GOSR2: variants seen among roughly 807,000 people sequenced by gnomAD.
GOSR2 encodes the protein 27 kDa Golgi SNARE protein.
GOSR2 carries 20 observed loss-of-function variants against 27.9 expected under a neutral mutation model. The ratio of observed to expected loss-of-function variants is 0.72; its 90% CI spans 0.50 to 1.04. The LOEUF is 1.04. Among genes scored for constraint, GOSR2 ranks in the 50% least tolerant of loss-of-function variants. The probability of loss-of-function intolerance (pLI) is 0.00; values close to 1 mark genes in which losing one functional copy is unlikely to be tolerated. For missense variants in GOSR2, 261 were observed against 270.5 expected, an observed-to-expected ratio of 0.97 and a Z score of 0.25; for synonymous variants, 91 against 98.8, an observed-to-expected ratio of 0.92 and a Z score of 0.47.
chr17:46,940,973 G>T lies in GOSR2; in HGVS notation c.*2213G>T, dbSNP rs886053084. ...ACTCTCTCCACCGCCTCAGTGTAGGGAAGGGTCCAGGCCAGGGAAGGAGCA... is the reference window on the plus strand; with the variant it reads ...ACTCTCTCCACCGCCTCAGTGTAGGTAAGGGTCCAGGCCAGGGAAGGAGCA... On this transcript the variant is annotated 3_prime_UTR_variant, in exon 6 of 6. Coordinates refer to ENST00000640051, the MANE Select transcript of GOSR2 (RefSeq NM_004287.5). 1.6e-5 allele frequency: 20 copies of T among 1,218,428 alleles called. No individual in the cohort carries two copies. The East Asian group carries it at 8.5e-4, about 52-fold the overall frequency. The allele number at this position is 1,218,428 out of a possible 1,614,324, so 75.5% of individuals were successfully genotyped here.
intron 6 of GOSR2, among the ~76,000 whole-genome samples, chr17:46,947,342 A>G (rs1034164940): frequency 1.6e-4 from 24 of 152,174 alleles, no homozygotes; most frequent in African/African-American, 5.8e-4. Context: ...GGCAACCTGA[A>G]CTACCCCTGC....
At chr17:46,927,822 G>C (rs1323202805) in intron 1 of GOSR2, among the ~76,000 whole-genome samples, 1 of 152,092 alleles carries the variant, frequency 6.6e-6, no homozygotes, top group East Asian at 1.9e-4. Flanking sequence ...CTTCTTCAGA[G>C]TGGTCTTGGC....
intron 1 of GOSR2, chr17:46,924,554 G>C (rs1369939987): frequency 6.6e-6 from 1 of 152,192 alleles, no homozygotes; most frequent in African/African-American, 2.4e-5. Context: ...CCAAGGCCTG[G>C]AAATGAAATG....
chr17:46,942,314 G>A (rs2089390838), downstream of GOSR2, among the ~76,000 whole-genome samples: 1 of 152,230 alleles, frequency 6.6e-6, no homozygotes, highest in African/African-American at 2.4e-5. Context: ...ACGGAGGTCA[G>A]ACAGGGATTT....
At chr17:46,945,892 C>A (rs2089815023), downstream of GOSR2, among the ~76,000 whole-genome samples, 2 of 152,156 alleles carry the variant, frequency 1.3e-5, no homozygotes. Context: ...GGGTGCTGTC[C>A]AAATTATTGT....
chr17:46,934,636 C>G (rs950993841), intron 4 of GOSR2, among the ~76,000 whole-genome samples: 6 of 152,202 alleles, frequency 3.9e-5, no homozygotes, highest in Admixed American at 1.3e-4. Flanking sequence ...ACATTTAACA[C>G]TGCATTAAGG....
At chr17:46,934,554 T>A (rs1018222219) in intron 4 of GOSR2, among the ~76,000 whole-genome samples, 1 of 152,214 alleles carries the variant, frequency 6.6e-6, no homozygotes, top group African/African-American at 2.4e-5. Context: ...CACAGCCTCC[T>A]CTATCCTTAG....
At chr17:46,963,543 C>CAAA (rs34316777) in intron 6 of GOSR2, among the ~76,000 whole-genome samples, 1 of 137,730 alleles carries the variant, frequency 7.3e-6, no homozygotes, top group African/African-American at 2.7e-5. Context: ...GGCTCGGTCT[C>CAAA]AAAAAAAAAA....
At chr17:46,923,744 G>C (rs953858992) in intron 1 of GOSR2, 2 of 436,726 alleles carry the variant, frequency 4.6e-6, no homozygotes, top group African/African-American at 2.0e-5. Flanking sequence ...CTTGTTAATC[G>C]TATCTGGTTA....
intron 6 of GOSR2, among the ~76,000 whole-genome samples, chr17:46,973,938 G>A (rs1391084502): frequency 6.6e-6 from 1 of 152,170 alleles, no homozygotes; most frequent in Non-Finnish European, 1.5e-5. Context: ...AAAGCTCAAG[G>A]CTTCTTTCCA....
At chr17:46,951,100 G>C (rs978908484) in intron 6 of GOSR2, among the ~76,000 whole-genome samples, 3 of 152,184 alleles carry the variant, frequency 2.0e-5, no homozygotes, top group East Asian at 1.9e-4. Context: ...CACGCCAAAG[G>C]CTTCTCCAGC....
chr17:46,933,046 C>T (rs1181894032), intron 4 of GOSR2: 1 of 152,242 alleles, frequency 6.6e-6, no homozygotes, highest in Non-Finnish European at 1.5e-5. Flanking sequence ...ATAGTTTTTG[C>T]TTCCCCAGAC....
At chr17:46,951,764 C>T (rs1001818702) in intron 6 of GOSR2, among the ~76,000 whole-genome samples, 1 of 152,192 alleles carries the variant, frequency 6.6e-6, no homozygotes, top group African/African-American at 2.4e-5. Context: ...GGCCCAGGTA[C>T]ACTCAGAGAG....
At chr17:46,925,248 T>G (rs2146747005) in intron 1 of GOSR2, among the ~76,000 whole-genome samples, 1 of 152,380 alleles carries the variant, frequency 6.6e-6, no homozygotes, top group East Asian at 1.9e-4. Context: ...CTAATTGATG[T>G]ACCTGTGTTC....
Position 46,939,488 on chromosome 17 carries a change from G to C in GOSR2, c.*728G>C. The C allele has an allele frequency of 1.0e-6, 1 of 986,406 alleles. No individual in the cohort carries two copies. Among genetic ancestry groups the C allele is most frequent in the Non-Finnish European group, 1.2e-6 (1 of 830,616 alleles). 61.1% of individuals were successfully genotyped at this position (986,406 alleles called of 1,614,324 possible). A position where few individuals can be genotyped will look rare whatever the true frequency, so the allele number is the denominator to read the frequency against. On this transcript the variant is annotated 3_prime_UTR_variant, in exon 6 of 6. Coordinates refer to ENST00000640051, the MANE Select transcript of GOSR2 (RefSeq NM_004287.5). The stretch of plus-strand genomic sequence containing the variant: ...GATTTTTTCTAGTTGTTAATAGAGT[G>C]GTTGGCTTTTAAGGTTCAGAGACTG...
At chr17:46,945,804 C>G (rs1453058582), downstream of GOSR2, among the ~76,000 whole-genome samples, 1 of 152,174 alleles carries the variant, frequency 6.6e-6, no homozygotes, top group African/African-American at 2.4e-5. Flanking sequence ...AGAATAATCA[C>G]TGCTGCCCCC....
chr17:46,933,020 T>C (rs1184813477), intron 4 of GOSR2: 2 of 152,340 alleles, frequency 1.3e-5, no homozygotes, highest in East Asian at 3.8e-4. Context: ...TCCCAAGTGT[T>C]TCAGGCTGTG....
chr17:46,955,150 G>T (rs1339829770), intron 6 of GOSR2, among the ~76,000 whole-genome samples: 2 of 151,988 alleles, frequency 1.3e-5, no homozygotes, highest in Non-Finnish European at 2.9e-5. Context: ...TTGGCTGTGG[G>T]TTTGTCATAG....
chr17:46,967,012 C>G (rs1274335435), downstream of GOSR2: 1 of 231,162 alleles, frequency 4.3e-6, no homozygotes, highest in East Asian at 8.4e-5. Flanking sequence ...GTGTGAAGTC[C>G]CTTGAAAGCA....
Sources: allele counts gnomAD v4.1 joint callset (sites outside exome capture counted in the v4.1 genomes callset), GRCh38; gene constraint gnomAD v4.1.1; transcripts MANE v1.5; gene names NCBI Gene and HGNC (gene_info 2026-07-23, HGNC 2026-07-21).